CIAO2A: variants seen among roughly 807,000 people sequenced by gnomAD.
CIAO2A encodes the protein cytosolic iron-sulfur assembly component 2A.
A neutral mutation model predicts 22.4 loss-of-function variants in CIAO2A; 17 were observed. The ratio of observed to expected loss-of-function variants is 0.76; its 90% CI spans 0.52 to 1.14. The LOEUF (loss-of-function observed/expected upper bound fraction) is 1.14, where lower values mean the gene tolerates loss of function less well. CIAO2A is among the 50% of genes most tolerant of loss of function. The pLI, the probability that CIAO2A is intolerant of heterozygous loss-of-function variation, is 0.00. For synonymous variants in CIAO2A, 74 were observed against 72.3 expected (o/e 1.02, Z -0.12); for missense variants, 192 against 191.4 (o/e 1.00, Z -0.02).
At chr15:64,092,810 T>C (rs923656278) in intron 1 of CIAO2A, among the ~76,000 whole-genome samples, 6 of 152,190 alleles carry the variant, frequency 3.9e-5, no homozygotes, top group African/African-American at 1.4e-4. Context: ...CTCTCAATAT[T>C]ATATCCAGTC....
At chr15:64,084,810 C>T (rs562315468) in intron 2 of CIAO2A, among the ~76,000 whole-genome samples, 10 of 151,152 alleles carry the variant, frequency 6.6e-5, no homozygotes, top group East Asian at 1.9e-4. Flanking sequence ...TAAAGTTGTT[C>T]GGTCAGGCGC....
chr15:64,075,415 G>T, intron 4 of CIAO2A, 77 bp downstream of exon 4: 1 of 894,638 alleles, frequency 1.1e-6, no homozygotes. Context: ...TAGATTCTTG[G>T]CTGGCAGAAG....
intron 3 of CIAO2A, among the ~76,000 whole-genome samples, chr15:64,076,682 T>A (rs142352228): frequency 3.3e-5 from 5 of 152,100 alleles, no homozygotes; most frequent in Middle Eastern, 3.4e-3. Context: ...AATCATAACT[T>A]ATTATAGTTA....
Position 64,090,300 on chromosome 15 carries a change from G to A in CIAO2A, c.125-1449C>T, listed in dbSNP as rs540609718. 5.6e-5 allele frequency: 9 copies of A among 161,800 alleles called. No individual in the cohort carries two copies. The East Asian group carries it at 9.6e-4, about 17-fold the overall frequency. The allele number at this position is 161,800 out of a possible 1,614,324, so 10.0% of individuals were successfully genotyped here. On this transcript the variant is annotated intron_variant, in intron 1 of 4. Coordinates refer to ENST00000300030, the MANE Select transcript of CIAO2A (RefSeq NM_032231.7). ...AGAGGTTGCAGTGAGCCGAGATCCCGCCATTGCATTCCAACCTGGGCAACA... is the reference window on the plus strand; with the variant it reads ...AGAGGTTGCAGTGAGCCGAGATCCCACCATTGCATTCCAACCTGGGCAACA...
Position 64,093,412 on chromosome 15 carries a change from CCCAGGTTTA to C in CIAO2A, c.124+224_124+232del, listed in dbSNP as rs746332739. On this transcript the variant is annotated intron_variant, in intron 1 of 4. Transcript: ENST00000300030. ...TTTAAGACCTCTGGGTTCGGCTTGC[CCCAGGTTTA>C]CGAAGAGCCCAGTTCCCAGAAAGAC... 1.5e-3 allele frequency among the ~76,000 whole-genome samples: 227 copies of C among 152,110 alleles called. 2 individuals carry two copies. The highest frequency in any genetic ancestry group is 3.3e-3 in the South Asian group (16 of 4,820).
chr15:64,079,828 T>A (rs985525802), intron 3 of CIAO2A, among the ~76,000 whole-genome samples: 1 of 152,062 alleles, frequency 6.6e-6, no homozygotes, highest in African/African-American at 2.4e-5. Flanking sequence ...TTTATGAAAA[T>A]TTAAAACTTT....
chr15:64,080,213 C>G (rs1340452519), intron 3 of CIAO2A, among the ~76,000 whole-genome samples: 1 of 151,848 alleles, frequency 6.6e-6, no homozygotes, highest in Non-Finnish European at 1.5e-5. Context: ...TGGTGAAACC[C>G]TGTCTCTACT....
chr15:64,088,131 A>T (rs1374250049), intron 2 of CIAO2A, among the ~76,000 whole-genome samples: 1 of 152,232 alleles, frequency 6.6e-6, no homozygotes, highest in African/African-American at 2.4e-5. Flanking sequence ...GCATATGTTC[A>T]AATACATTTA....
At position 64,075,472 on chromosome 15, in the gene CIAO2A, A is replaced by C. The variant is rs1426511757; in HGVS notation, c.385+20T>G. On this transcript the variant is annotated intron_variant, in intron 4 of 4. Coordinates refer to ENST00000300030, the MANE Select transcript of CIAO2A (RefSeq NM_032231.7). Reference sequence around the variant, plus strand: ...TACTATCTGAAGTTGTTTTTCAATTATGTTTCAACATTCACTTACTGTCTT... The same window carrying C: ...TACTATCTGAAGTTGTTTTTCAATTCTGTTTCAACATTCACTTACTGTCTT... The C allele has an allele frequency of 1.3e-6, 2 of 1,504,874 alleles. No homozygotes were observed. The highest frequency in any genetic ancestry group is 1.8e-6 in the Non-Finnish European group (2 of 1,102,920). The allele number at this position is 1,504,874 out of a possible 1,614,324, so 93.2% of individuals were successfully genotyped here.
In CIAO2A at chr15:64,073,039, C is replaced by T. The variant is rs1264216022; in HGVS notation, c.386-11G>A. ...TTATCTGCTTATTGACTGAAAAATA[C>T]ACAGACAAAAGTTAGCAGAAGAACT... On this transcript the variant is annotated splice_polypyrimidine_tract_variant and intron_variant, in intron 4 of 4. Transcript: ENST00000300030. 6.3e-7 allele frequency: 1 copy of T among 1,594,852 alleles called. No individual in the cohort carries two copies. Among genetic ancestry groups the T allele is most frequent in the Admixed American group, 1.7e-5 (1 of 59,838 alleles).
At chr15:64,080,760 T>G (rs2080753818) in intron 3 of CIAO2A, among the ~76,000 whole-genome samples, 1 of 152,132 alleles carries the variant, frequency 6.6e-6, no homozygotes, top group Non-Finnish European at 1.5e-5. Flanking sequence ...TTAGCAAGGA[T>G]GTGGAGAAGT....
intron 2 of CIAO2A, among the ~76,000 whole-genome samples, chr15:64,087,780 T>C (rs1156706553): frequency 1.3e-5 from 2 of 152,046 alleles, no homozygotes; most frequent in African/African-American, 4.8e-5. Context: ...AGGTATAAAG[T>C]CTCCCTCCCA....
chr15:64,075,931 T>A (rs1417400294), intron 3 of CIAO2A, among the ~76,000 whole-genome samples: 1 of 151,934 alleles, frequency 6.6e-6, no homozygotes, highest in East Asian at 1.9e-4. Flanking sequence ...AGTGTTGGGA[T>A]TACAGGCGTG....
intron 2 of CIAO2A, among the ~76,000 whole-genome samples, chr15:64,084,429 T>G (rs925265125): frequency 2.0e-5 from 3 of 152,174 alleles, no homozygotes; most frequent in Admixed American, 2.0e-4. Flanking sequence ...AACCCAATTA[T>G]TCCACGTATA....
At chr15:64,085,577 C>A (rs1216990894) in intron 2 of CIAO2A, among the ~76,000 whole-genome samples, 2 of 152,174 alleles carry the variant, frequency 1.3e-5, no homozygotes, top group African/African-American at 4.8e-5. Flanking sequence ...TTACTTAACT[C>A]TTACGACTCT....
At chr15:64,085,997 T>C (rs2140113096) in intron 2 of CIAO2A, among the ~76,000 whole-genome samples, 1 of 151,814 alleles carries the variant, frequency 6.6e-6, no homozygotes, top group South Asian at 2.1e-4. Context: ...AGTGAGCCAC[T>C]GCACCCAGTG....
intron 4 of CIAO2A, 194 bp downstream of exon 4, chr15:64,075,298 T>A (rs1267370268): frequency 6.1e-6 from 3 of 494,296 alleles, no homozygotes; most frequent in Non-Finnish European, 1.1e-5. Context: ...TGGGCTCTAG[T>A]GCACTCGGAG....
At chr15:64,082,387 C>G (rs1235442556) in intron 2 of CIAO2A, among the ~76,000 whole-genome samples, 1 of 152,054 alleles carries the variant, frequency 6.6e-6, no homozygotes, top group Non-Finnish European at 1.5e-5. Flanking sequence ...CGCTACCACA[C>G]CCACTAATTT....
intron 1 of CIAO2A, among the ~76,000 whole-genome samples, chr15:64,089,732 G>C (rs2080825363): frequency 6.6e-6 from 1 of 152,124 alleles, no homozygotes; most frequent in African/African-American, 2.4e-5. Flanking sequence ...TCAGCTGCTA[G>C]ACTCAGACTA....
Sources: gnomAD v4.1 joint callset for allele counts (sites outside exome capture counted in the v4.1 genomes callset) on GRCh38, gnomAD v4.1.1 for gene constraint, MANE v1.5 for transcripts, NCBI Gene and HGNC (gene_info 2026-07-23, HGNC 2026-07-21) for gene names.